The following IARS2 variants were observed in gnomAD, a reference collection of about 807,000 sequenced individuals.
The protein encoded by IARS2 is isoleucyl-tRNA synthetase 2, mitochondrial.
A neutral mutation model predicts 126.3 loss-of-function variants in IARS2; 56 were observed. That is an observed-to-expected ratio of 0.44 (90% confidence interval 0.36 to 0.55). The LOEUF (loss-of-function observed/expected upper bound fraction) is 0.55. Among genes scored for constraint, IARS2 ranks in the 20% least tolerant of loss-of-function variants. The pLI, the probability that IARS2 is intolerant of heterozygous loss-of-function variation, is 0.00. For missense variants in IARS2, 1,127 were observed against 1,245.9 expected, an observed-to-expected ratio of 0.90 and a Z score of 1.44; for synonymous variants, 407 against 441.1, an observed-to-expected ratio of 0.92 and a Z score of 0.97.
chr1:220,107,648 C>T (rs1237226552), intron 10 of IARS2, among the ~76,000 whole-genome samples: 1 of 152,166 alleles, frequency 6.6e-6, no homozygotes, highest in African/African-American at 2.4e-5. Context: ...TGATATATTA[C>T]TTTTCTAGGG....
chr1:220,094,333 G>A lies in IARS2; in HGVS notation c.117G>A (p.Arg39=), dbSNP rs769346557. Residue 39 remains arginine, a synonymous_variant, in exon 1 of 23, where the codon AGG becomes AGA. Transcript: ENST00000366922. ...CGGGATGGCAAGGGGCGACGAAGAGGCTTCTGGTGCGGTCGGTCTCCGGGG... is the reference window on the plus strand; with the variant it reads ...CGGGATGGCAAGGGGCGACGAAGAGACTTCTGGTGCGGTCGGTCTCCGGGG... ...CSPGWQGATK[R]LLVRSVSGAS... 2 of 1,612,986 alleles carry A rather than the reference G, an allele frequency of 1.2e-6. No individual in the cohort carries two copies. The highest frequency in any genetic ancestry group is 2.2e-5 in the East Asian group (1 of 44,848).
chr1:220,135,688 C>T (rs941093471), intron 15 of IARS2, among the ~76,000 whole-genome samples: 4 of 144,444 alleles, frequency 2.8e-5, no homozygotes, highest in South Asian at 2.2e-4. Context: ...TCTTAACATG[C>T]GTTTTAAAGA....
At chr1:220,109,502 A>T (rs887290465) in intron 10 of IARS2, among the ~76,000 whole-genome samples, 11 of 152,194 alleles carry the variant, frequency 7.2e-5, no homozygotes, top group African/African-American at 2.7e-4. Context: ...TCAAAATAAT[A>T]CAAAAATTTA....
chr1:220,115,667 G>A (rs557162653), intron 12 of IARS2, among the ~76,000 whole-genome samples: 29 of 150,094 alleles, frequency 1.9e-4, no homozygotes, highest in African/African-American at 6.0e-4. Flanking sequence ...CTTTTATCCC[G>A]AACAGCTCCC....
At chr1:220,135,657 G>A (rs1255249387) in intron 15 of IARS2, among the ~76,000 whole-genome samples, 1 of 150,528 alleles carries the variant, frequency 6.6e-6, no homozygotes, top group Non-Finnish European at 1.5e-5. Flanking sequence ...CCCACGCCTG[G>A]CCCTTTTACA....
intron 2 of IARS2, among the ~76,000 whole-genome samples, chr1:220,099,211 C>CAAAAAA (rs1184799314): frequency 2.0e-5 from 1 of 49,244 alleles, no homozygotes; most frequent in African/African-American, 8.0e-5. Flanking sequence ...GACTCCGTCT[C>CAAAAAA]AAAAAAAAAA....
At chr1:220,115,835 GTAGAC>G (rs1656901265) in intron 12 of IARS2, among the ~76,000 whole-genome samples, 1 of 152,128 alleles carries the variant, frequency 6.6e-6, no homozygotes. Context: ...ATGGTTGCAG[GTAGAC>G]TGTTATGAAT....
rs751936759 is a variant in IARS2, at chr1:220,094,209, G to A, written c.-8G>A. 2.6e-6 allele frequency: 4 copies of A among 1,558,680 alleles called. No individual in the cohort carries two copies. In the Admixed American group the frequency reaches 5.7e-5, roughly 22 times the overall value. On this transcript the variant is annotated 5_prime_UTR_variant, in exon 1 of 23. Coordinates refer to ENST00000366922, the MANE Select transcript of IARS2 (RefSeq NM_018060.4). ...GCGGAGGACCCCGCTCTCAGGGGTT[G>A]CCGGACCATGCGTTGGGGGCTGCGC...
At chr1:220,109,678 C>G (rs1657542999) in intron 10 of IARS2, among the ~76,000 whole-genome samples, 1 of 152,172 alleles carries the variant, frequency 6.6e-6, no homozygotes. Flanking sequence ...TTTCTATCCT[C>G]CTCTAAGAAC....
intron 12 of IARS2, among the ~76,000 whole-genome samples, chr1:220,117,387 A>G (rs1411283537): frequency 6.6e-6 from 1 of 151,288 alleles, no homozygotes; most frequent in African/African-American, 2.4e-5. Context: ...TTTAGTAGAG[A>G]CGGGGTTTCT....
chr1:220,148,023 A>C lies in IARS2; in HGVS notation c.*388A>C, dbSNP rs1224692221. On this transcript the variant is annotated 3_prime_UTR_variant, in exon 23 of 23. Coordinates refer to ENST00000366922, the MANE Select transcript of IARS2 (RefSeq NM_018060.4). Reference sequence around the variant, plus strand: ...TTTAAATTCTATGATACTGAAAATAAAGGCATTCTGGAAAAATACTGACTG... The same window carrying C: ...TTTAAATTCTATGATACTGAAAATACAGGCATTCTGGAAAAATACTGACTG... 2.7e-6 allele frequency: 1 copy of C among 376,688 alleles called. No individual in the cohort carries two copies. Among genetic ancestry groups the C allele is most frequent in the Non-Finnish European group, 4.7e-6 (1 of 211,684 alleles). The allele number at this position is 376,688 out of a possible 1,614,324, so 23.3% of individuals were successfully genotyped here. A position where few individuals can be genotyped will look rare whatever the true frequency, so the allele number is the denominator to read the frequency against.
chr1:220,124,718 T>A (rs535134744), intron 12 of IARS2, among the ~76,000 whole-genome samples: 2 of 151,892 alleles, frequency 1.3e-5, no homozygotes, highest in Non-Finnish European at 2.9e-5. Context: ...AGGGAGGGAG[T>A]CCTGGAAAGT....
chr1:220,145,494 CAT>C lies in IARS2; in HGVS notation c.2752-14_2752-13del. The C allele has an allele frequency of 6.3e-7, 1 of 1,587,302 alleles. No individual in the cohort carries two copies. The highest frequency in any genetic ancestry group is 8.6e-7 in the Non-Finnish European group (1 of 1,166,396). On this transcript the variant is annotated splice_polypyrimidine_tract_variant and intron_variant, in intron 21 of 22. Transcript: ENST00000366922. ...AATTTAACATAAACTGTAACTTTCA[CAT>C]GCTTCCTTCCAGATGCTGCAGTCTG...
chr1:220,136,070 C>G (rs2102838182), intron 15 of IARS2, among the ~76,000 whole-genome samples: 1 of 152,220 alleles, frequency 6.6e-6, no homozygotes, highest in Middle Eastern at 3.4e-3. Context: ...ATGAAAATAT[C>G]TAAAGTTTTC....
chr1:220,094,232 C>T lies in IARS2; in HGVS notation c.16C>T (p.Arg6Cys), dbSNP rs777716260. The T allele has an allele frequency of 1.1e-5, 18 of 1,588,482 alleles. No homozygotes were observed. The highest frequency in any genetic ancestry group is 1.5e-5 in the Non-Finnish European group (17 of 1,168,358). ...TTGCCGGACCATGCGTTGGGGGCTG[C>T]GCCCTCGCGGGCCGGGCGCGGCCGC... MRWGL[R>C]PRGPGAAALA... Residue 6 changes from arginine to cysteine, a missense_variant, in exon 1 of 23, where the codon CGC (arginine) becomes TGC (cysteine). Physicochemically the swap from Arg to Cys is radical, Grantham distance 180. Coordinates refer to ENST00000366922, the MANE Select transcript of IARS2 (RefSeq NM_018060.4).
intron 2 of IARS2, among the ~76,000 whole-genome samples, chr1:220,099,171 C>T (rs948237463): frequency 4.7e-5 from 7 of 147,556 alleles, no homozygotes; most frequent in African/African-American, 1.8e-4. Context: ...GAGATTGTAC[C>T]ACTGTTCTCC....
intron 14 of IARS2, among the ~76,000 whole-genome samples, chr1:220,129,079 C>T (rs1256543006): frequency 6.6e-6 from 1 of 151,954 alleles, no homozygotes; most frequent in Non-Finnish European, 1.5e-5. Context: ...GAAGGGGTTT[C>T]ACCGTGTTGG....
At chr1:220,107,745 A>G (rs148620677) in intron 10 of IARS2, among the ~76,000 whole-genome samples, 1 of 152,200 alleles carries the variant, frequency 6.6e-6, no homozygotes, top group African/African-American at 2.4e-5. Flanking sequence ...GTCTAAATTC[A>G]TCGTACTGGC....
chr1:220,114,360 G>T lies in IARS2; in HGVS notation c.1526G>T (p.Gly509Val). 3.1e-6 allele frequency: 5 copies of T among 1,613,882 alleles called. No homozygotes were observed. Among genetic ancestry groups the T allele is most frequent in the Non-Finnish European group, 4.2e-6 (5 of 1,179,822 alleles). The change falls in exon 12 of 23, where the codon GGC (glycine) becomes GTC (valine). Residue 509 changes from glycine to valine, a missense_variant. Coordinates refer to ENST00000366922, the MANE Select transcript of IARS2 (RefSeq NM_018060.4). ...VKFIPGSALN[G>V]MVEMMDRRPY... The stretch of plus-strand genomic sequence containing the variant: ...TTTATTCCTGGATCAGCACTGAATG[G>T]CATGGTTGAAATGATGGACAGGCGG...
Sources: allele counts gnomAD v4.1 joint callset (sites outside exome capture counted in the v4.1 genomes callset), GRCh38; gene constraint gnomAD v4.1.1; transcripts MANE v1.5; gene names NCBI Gene and HGNC (gene_info 2026-07-23, HGNC 2026-07-21).